The following CHAF1A variants were observed in gnomAD, a reference collection of about 807,000 sequenced individuals.
The protein encoded by CHAF1A is chromatin assembly factor 1 subunit A.
In CHAF1A, 5 loss-of-function variants were observed where a neutral mutation model predicts 93.2. The ratio of observed to expected loss-of-function variants is 0.05; its 90% CI spans 0.03 to 0.11. CHAF1A has a LOEUF of 0.11. Among genes scored for constraint, CHAF1A ranks in the 10% least tolerant of loss-of-function variants. The pLI is 1.00. For missense variants in CHAF1A, 1,102 were observed against 1,259.9 expected (o/e 0.87, Z 1.90); for synonymous variants, 504 against 510.3 (o/e 0.99, Z 0.17).
chr19:4,448,099 C>A (rs1158474117), downstream of CHAF1A: 5 of 588,180 alleles, frequency 8.5e-6, no homozygotes, highest in African/African-American at 7.5e-5. Flanking sequence ...ACCCCTGATT[C>A]CTTCAACACC....
chr19:4,444,742 G>C (rs2145163073), downstream of CHAF1A: 1 of 152,448 alleles, frequency 6.6e-6, no homozygotes, highest in East Asian at 1.9e-4. Context: ...TGTCCCTCTG[G>C]CCACAGGGAA....
At chr19:4,432,294 C>A in intron 12 of CHAF1A, 87 bp downstream of exon 12, 2 of 1,414,086 alleles carry the variant, frequency 1.4e-6, no homozygotes, top group Admixed American at 2.5e-5. Flanking sequence ...GCTAGTGGGT[C>A]CGTGATGCAA....
At chr19:4,447,826 C>A, downstream of CHAF1A, 1 of 592,278 alleles carries the variant, frequency 1.7e-6, no homozygotes, top group Middle Eastern at 4.3e-4. Context: ...ACCCCTGGTG[C>A]CAGCAGGAGC....
At chr19:4,442,485 C>T (rs1974411995) in intron 14 of CHAF1A, 144 bp downstream of exon 14, 3 of 718,484 alleles carry the variant, frequency 4.2e-6, no homozygotes, top group Admixed American at 2.3e-5. Context: ...TCCTGCCCTG[C>T]CACATCCTCG....
chr19:4,423,318 C>A lies in CHAF1A; in HGVS notation c.1248-17C>A. The A allele has an allele frequency of 1.2e-6, 2 of 1,613,890 alleles. No homozygotes were observed. The highest frequency in any genetic ancestry group is 1.1e-5 in the South Asian group (1 of 91,010). ...CAAAGCAAAGAGTCGGCTGAAATGT[C>A]ATTTGCTGTCTCACAGGGCTAAACT... is the stretch of plus-strand genomic sequence containing the variant. On this transcript the variant is annotated splice_polypyrimidine_tract_variant and intron_variant, in intron 5 of 14. Transcript: ENST00000301280.
intron 3 of CHAF1A, among the ~76,000 whole-genome samples, chr19:4,414,990 G>C (rs887018281): frequency 5.3e-5 from 8 of 152,118 alleles, no homozygotes; most frequent in Admixed American, 5.2e-4. Flanking sequence ...GGCTCTGAGA[G>C]GATTATCTGA....
intron 13 of CHAF1A, among the ~76,000 whole-genome samples, chr19:4,440,165 A>G (rs748419269): frequency 1.4e-4 from 22 of 152,152 alleles, no homozygotes; most frequent in Non-Finnish European, 2.6e-4. Flanking sequence ...TTTGAGGACT[A>G]TCCTCCCTAC....
At position 4,428,693 on chromosome 19, in the gene CHAF1A, C is replaced by T. The variant is rs759452670; in HGVS notation, c.1407C>T (p.Ala469=). 3.1e-6 allele frequency: 5 copies of T among 1,614,068 alleles called. No individual in the cohort carries two copies. The South Asian group carries it at 4.4e-5, about 14-fold the overall frequency. The change falls in exon 8 of 15, where the codon GCC becomes GCT. Residue 469 remains alanine (A), a synonymous_variant. Transcript: ENST00000301280. ...KTLAGSCGKF[A]PFEIKEHMVL... ...TGGCCGGCTCCTGTGGGAAGTTTGC[C>T]CCCTTTGAAATTAAAGAGCACATGG...
At chr19:4,434,490 C>G (rs756049659) in intron 13 of CHAF1A, among the ~76,000 whole-genome samples, 3 of 152,178 alleles carry the variant, frequency 2.0e-5, no homozygotes, top group Non-Finnish European at 4.4e-5. Context: ...CTTCTCCCCA[C>G]TGAAAGGCCC....
chr19:4,447,128 A>T (rs182890664), downstream of CHAF1A: 19 of 606,294 alleles, frequency 3.1e-5, no homozygotes, highest in African/African-American at 2.4e-4. Flanking sequence ...TGCACAGAGG[A>T]AAGAGTCACA....
At chr19:4,423,657 C>T (rs1974029939) in intron 6 of CHAF1A, 149 bp from the exon 7 acceptor site, 15 of 945,712 alleles carry the variant, frequency 1.6e-5, no homozygotes, top group Middle Eastern at 2.2e-4. Flanking sequence ...GGCTCAGTTG[C>T]GGGTCCGTGG....
downstream of CHAF1A, chr19:4,448,311 C>A (rs755604057): frequency 1.3e-6 from 2 of 1,599,148 alleles, no homozygotes; most frequent in Non-Finnish European, 1.7e-6. Context: ...AGGGGCCACA[C>A]GCTCACTTGG....
At chr19:4,445,774 C>T, downstream of CHAF1A, 1 of 1,314,650 alleles carries the variant, frequency 7.6e-7, no homozygotes, top group Non-Finnish European at 1.0e-6. Context: ...CTCCTGCCCT[C>T]TCCCTCCGGG....
chr19:4,417,607 C>T (rs534639226), intron 3 of CHAF1A, among the ~76,000 whole-genome samples: 1 of 152,136 alleles, frequency 6.6e-6, no homozygotes, highest in East Asian at 1.9e-4. Flanking sequence ...ATTACAGGCA[C>T]CTGCCACCAC....
At chr19:4,414,444 C>T (rs1156299528) in intron 3 of CHAF1A, among the ~76,000 whole-genome samples, 3 of 151,950 alleles carry the variant, frequency 2.0e-5, no homozygotes, top group Non-Finnish European at 2.9e-5. Context: ...CCTTGAAGCC[C>T]TCTGTTCTCC....
At chr19:4,446,341 C>T (rs1194837640), downstream of CHAF1A, 2 of 1,570,402 alleles carry the variant, frequency 1.3e-6, no homozygotes, top group Non-Finnish European at 1.7e-6. Flanking sequence ...TGTACTTGCG[C>T]AGCCCCCGCT....
chr19:4,409,019 A>G lies in CHAF1A; in HGVS notation c.220A>G (p.Thr74Ala), dbSNP rs767110124. The G allele has an allele frequency of 1.2e-6, 2 of 1,614,166 alleles. No individual in the cohort carries two copies. Among genetic ancestry groups the G allele is most frequent in the South Asian group, 1.1e-5 (1 of 91,086 alleles). The change falls in exon 3 of 15, where the codon ACC becomes GCC. Residue 74 changes from threonine to alanine, a missense_variant. Coordinates refer to ENST00000301280, the MANE Select transcript of CHAF1A (RefSeq NM_005483.3). ...KSPDLEASLD[T>A]LENNCHVGSD... is the part of the protein sequence containing the mutation. ...CCCCGATTTAGAGGCCTCTTTGGAC[A>G]CCTTGGAAAACAACTGTCATGTGGG...
downstream of CHAF1A, chr19:4,445,156 A>C: frequency 3.4e-6 from 1 of 292,138 alleles, no homozygotes; most frequent in South Asian, 3.7e-5. Context: ...GGCACACGGG[A>C]ACAGGACCCA....
At chr19:4,438,841 G>T (rs1974334185) in intron 13 of CHAF1A, among the ~76,000 whole-genome samples, 1 of 152,126 alleles carries the variant, frequency 6.6e-6, no homozygotes, top group Non-Finnish European at 1.5e-5. Context: ...AATTAGCCAG[G>T]CGTGGTGGCG....
Sources: allele counts gnomAD v4.1 joint callset (sites outside exome capture counted in the v4.1 genomes callset), GRCh38; gene constraint gnomAD v4.1.1; transcripts MANE v1.5; gene names NCBI Gene and HGNC (gene_info 2026-07-23, HGNC 2026-07-21).